Variants in MNAT1 observed in about 807,000 individuals in gnomAD.
MNAT1 encodes the protein CDK-activating kinase assembly factor MAT1.
MNAT1 carries 43 observed loss-of-function variants against 42.0 expected under a neutral mutation model. The ratio of observed to expected loss-of-function variants is 1.02; its 90% CI spans 0.80 to 1.32. The LOEUF is 1.32. Ranked by LOEUF, MNAT1 falls within the 40% of genes most tolerant of loss-of-function variation. MNAT1 has a pLI of 0.00. For synonymous variants in MNAT1, 118 were observed against 120.0 expected, an observed-to-expected ratio of 0.98 and a Z score of 0.11; for missense variants, 306 against 350.4, an observed-to-expected ratio of 0.87 and a Z score of 1.01.
intron 7 of MNAT1, 70 bp from the exon 8 acceptor site, chr14:60,968,159 T>C: frequency 8.5e-7 from 1 of 1,171,386 alleles, no homozygotes; most frequent in South Asian, 1.4e-5. Context: ...AGTTTTACTA[T>C]TGCTTTTTAA....
At chr14:60,783,225 G>A (rs2031527663) in intron 1 of MNAT1, among the ~76,000 whole-genome samples, 1 of 152,134 alleles carries the variant, frequency 6.6e-6, no homozygotes, top group Non-Finnish European at 1.5e-5. Context: ...CTGAAGCTGT[G>A]GGGTTTGGCT....
In MNAT1 at chr14:60,968,258, CA is replaced by C; in HGVS notation, c.840del (p.Gln281ArgfsTer33). 6.2e-7 allele frequency: 1 copy of C among 1,613,770 alleles called. No individual in the cohort carries two copies. The highest frequency in any genetic ancestry group is 8.5e-7 in the Non-Finnish European group (1 of 1,179,858). On this transcript the variant is annotated frameshift_variant, in exon 8 of 8. Transcript: ENST00000261245. LOFTEE classifies it high-confidence loss of function. ...TTAAACCATGTCAGAGCTGCCTCAC[CA>C]CAGGACCTTGCTGGAGGCTATACTT... ...GYLNHVRAAS[P>X]QDLAGGYTSS...
At chr14:60,893,201 T>C (rs956439919) in intron 7 of MNAT1, among the ~76,000 whole-genome samples, 1 of 152,124 alleles carries the variant, frequency 6.6e-6, no homozygotes, top group Non-Finnish European at 1.5e-5. Flanking sequence ...AGTTCACTTA[T>C]TCTTCTATTT....
intron 6 of MNAT1, among the ~76,000 whole-genome samples, chr14:60,874,603 C>G (rs2034396862): frequency 6.6e-6 from 1 of 151,818 alleles, no homozygotes; most frequent in South Asian, 2.1e-4. Context: ...GATTCTTCCT[C>G]TCAATACTCT....
chr14:60,944,965 G>C (rs1011147640), intron 7 of MNAT1, among the ~76,000 whole-genome samples: 1 of 152,074 alleles, frequency 6.6e-6, no homozygotes, highest in African/African-American at 2.4e-5. Flanking sequence ...AACTCTTACT[G>C]TAAATATGAT....
Position 60,968,850 on chromosome 14 carries a change from T to C in MNAT1, c.*501T>C, listed in dbSNP as rs191605298. On this transcript the variant is annotated 3_prime_UTR_variant, in exon 8 of 8. Transcript: ENST00000261245. ...GTCCAGACAAGTGGATATATTTCCTTTGACCAAGTTATGGCAAGAAAAACC... is the reference window on the plus strand; with the variant it reads ...GTCCAGACAAGTGGATATATTTCCTCTGACCAAGTTATGGCAAGAAAAACC... 265 of 227,220 alleles carry C rather than the reference T, an allele frequency of 1.2e-3. 1 individual carries two copies. The highest frequency in any genetic ancestry group is 3.3e-3 in the Middle Eastern group (2 of 604). The allele number at this position is 227,220 out of a possible 1,614,324, so 14.1% of individuals were successfully genotyped here.
chr14:60,836,250 C>T (rs1389364147), intron 6 of MNAT1, among the ~76,000 whole-genome samples: 2 of 152,184 alleles, frequency 1.3e-5, no homozygotes, highest in African/African-American at 4.8e-5. Context: ...GTTCATCAAA[C>T]TCATTCTCTG....
chr14:60,941,519 G>T (rs942209511), intron 7 of MNAT1, among the ~76,000 whole-genome samples: 7 of 151,996 alleles, frequency 4.6e-5, no homozygotes, highest in Non-Finnish European at 8.8e-5. Context: ...GGGCAACATT[G>T]CAAGAACCCA....
At chr14:60,785,014 A>C (rs1358242939) in intron 1 of MNAT1, among the ~76,000 whole-genome samples, 1 of 151,992 alleles carries the variant, frequency 6.6e-6, no homozygotes, top group Admixed American at 6.6e-5. Flanking sequence ...CACCATGCCC[A>C]GCTAATTTTT....
At chr14:60,828,120 TTATTA>T (rs1305427132) in intron 6 of MNAT1, among the ~76,000 whole-genome samples, 3 of 152,214 alleles carry the variant, frequency 2.0e-5, no homozygotes, top group Non-Finnish European at 4.4e-5. Flanking sequence ...CAGGTCGTCC[TTATTA>T]TATTATTAGA....
intron 7 of MNAT1, among the ~76,000 whole-genome samples, chr14:60,901,456 CTTG>C (rs2035071310): frequency 6.6e-6 from 1 of 152,126 alleles, no homozygotes; most frequent in South Asian, 2.1e-4. Flanking sequence ...ACTTTTCAGT[CTTG>C]TTATTTAAAT....
At chr14:60,876,553 C>T (rs1015007503) in intron 6 of MNAT1, among the ~76,000 whole-genome samples, 8 of 151,998 alleles carry the variant, frequency 5.3e-5, no homozygotes, top group Admixed American at 1.3e-4. Flanking sequence ...CTCAACTCAA[C>T]CTGTACCCAT....
At chr14:60,884,077 G>A (rs1405586412) in intron 7 of MNAT1, among the ~76,000 whole-genome samples, 2 of 151,188 alleles carry the variant, frequency 1.3e-5, no homozygotes, top group Non-Finnish European at 2.9e-5. Context: ...CTGTCTGATT[G>A]CTCTAGCTAG....
chr14:60,748,743 C>G (rs2029940402), intron 1 of MNAT1, among the ~76,000 whole-genome samples: 2 of 152,114 alleles, frequency 1.3e-5, no homozygotes, highest in Non-Finnish European at 2.9e-5. Flanking sequence ...TTCTAGAATA[C>G]TTCCGGAATG....
intron 6 of MNAT1, among the ~76,000 whole-genome samples, chr14:60,863,139 T>G (rs1381789195): frequency 6.6e-6 from 1 of 152,108 alleles, no homozygotes; most frequent in Non-Finnish European, 1.5e-5. Flanking sequence ...CAAAAATACT[T>G]TTATACATTT....
In MNAT1 at chr14:60,938,671, A is replaced by G. The variant is rs535554428; in HGVS notation, c.810-29558A>G. On this transcript the variant is annotated intron_variant, in intron 7 of 7. Transcript: ENST00000261245. ...GAGAATTTTTGTATCAATGTTCATC[A>G]GGGATATTGGTCTAAAATTCTCTTT... is the stretch of plus-strand genomic sequence containing the variant. 1.7e-3 allele frequency among the ~76,000 whole-genome samples: 252 copies of G among 152,316 alleles called. 2 individuals carry two copies. Among genetic ancestry groups the G allele is most frequent in the Non-Finnish European group, 3.1e-3 (208 of 68,040 alleles).
At chr14:60,932,927 AAAT>A (rs2035918818) in intron 7 of MNAT1, among the ~76,000 whole-genome samples, 2 of 152,102 alleles carry the variant, frequency 1.3e-5, no homozygotes, top group African/African-American at 2.4e-5. Context: ...ATCACTTTGT[AAAT>A]AATAATAATA....
chr14:60,836,615 C>T (rs551563683), intron 6 of MNAT1, among the ~76,000 whole-genome samples: 9 of 152,294 alleles, frequency 5.9e-5, no homozygotes, highest in East Asian at 1.9e-4. Context: ...TTGGAAGCTT[C>T]GTCCCAGAGG....
intron 3 of MNAT1, among the ~76,000 whole-genome samples, chr14:60,804,258 A>T (rs2032297197): frequency 6.6e-6 from 1 of 152,224 alleles, no homozygotes; most frequent in Non-Finnish European, 1.5e-5. Flanking sequence ...AATGATTGTT[A>T]TAGCAAATTA....
Sources: gnomAD v4.1 joint callset for allele counts (sites outside exome capture counted in the v4.1 genomes callset) on GRCh38, gnomAD v4.1.1 for gene constraint, MANE v1.5 for transcripts, NCBI Gene and HGNC (gene_info 2026-07-23, HGNC 2026-07-21) for gene names.